Variants in ADAM12 observed in about 807,000 individuals in gnomAD.
ADAM12 encodes ADAM metallopeptidase domain 12, also known as disintegrin and metalloproteinase domain-containing protein 12.
ADAM12 carries 70 observed loss-of-function variants against 106.4 expected under a neutral mutation model. The ratio of observed to expected loss-of-function variants is 0.66; its 90% CI spans 0.54 to 0.80. The LOEUF (loss-of-function observed/expected upper bound fraction) is 0.80. Ranked by LOEUF, ADAM12 falls within the 30% of genes least tolerant of loss-of-function variation. The probability of loss-of-function intolerance (pLI) is 0.00; values close to 1 mark genes in which losing one functional copy is unlikely to be tolerated. For missense variants in ADAM12, 1,010 were observed against 1,171.9 expected (o/e 0.86, Z 2.02); for synonymous variants, 420 against 433.5 (o/e 0.97, Z 0.39).
At chr10:126,070,582 C>T (rs1440374291) in intron 12 of ADAM12, 1 of 152,200 alleles carries the variant, frequency 6.6e-6, no homozygotes, top group Non-Finnish European at 1.5e-5. Context: ...TTCAGAGCAG[C>T]CCTTGGAGAT....
At chr10:126,243,622 A>G (rs1958574398) in intron 3 of ADAM12, among the ~76,000 whole-genome samples, 1 of 152,118 alleles carries the variant, frequency 6.6e-6, no homozygotes, top group Non-Finnish European at 1.5e-5. Context: ...GGGTGAATAC[A>G]TTTTTATTGA....
chr10:126,293,584 C>T (rs973710490), intron 2 of ADAM12, among the ~76,000 whole-genome samples: 16 of 152,082 alleles, frequency 1.1e-4, no homozygotes, highest in Admixed American at 3.3e-4. Context: ...AGTGGTGTGA[C>T]CTTGGCTCAC....
intron 1 of ADAM12, among the ~76,000 whole-genome samples, chr10:126,351,960 C>T (rs1292389283): frequency 3.3e-5 from 5 of 152,116 alleles, no homozygotes; most frequent in Non-Finnish European, 5.9e-5. Context: ...CTGCTTTAGA[C>T]AAAGACTCAC....
At chr10:126,173,832 C>T (rs1215440187) in intron 3 of ADAM12, among the ~76,000 whole-genome samples, 1 of 151,892 alleles carries the variant, frequency 6.6e-6, no homozygotes, top group African/African-American at 2.4e-5. Context: ...CAGAAACCAC[C>T]TCAGGCCAAG....
chr10:126,108,236 C>T lies in ADAM12; in HGVS notation c.741+357G>A, dbSNP rs148873390. 2.2e-4 allele frequency among the ~76,000 whole-genome samples: 34 copies of T among 152,264 alleles called. No homozygotes were observed. The East Asian group carries it at 4.8e-3, about 22-fold the overall frequency. ...TGAAGGGGCCTGTGGGATCCGTCAT[C>T]GGGAGACCTGGGAGAGGCCCGGCTC... On this transcript the variant is annotated intron_variant, in intron 8 of 22. Transcript: ENST00000448723.
intron 11 of ADAM12, among the ~76,000 whole-genome samples, chr10:126,075,756 C>T (rs1955088705): frequency 6.6e-6 from 1 of 152,114 alleles, no homozygotes; most frequent in South Asian, 2.1e-4. Flanking sequence ...AAACAGTCTG[C>T]TCTTCCTGCA....
chr10:126,170,265 A>G (rs1466355), intron 3 of ADAM12, among the ~76,000 whole-genome samples: 4,258 of 152,180 alleles, frequency 0.028, 223 homozygotes, highest in African/African-American at 0.098. Flanking sequence ...GCAAATTTCC[A>G]TACCATCGTG....
intron 1 of ADAM12, among the ~76,000 whole-genome samples, chr10:126,351,500 C>T (rs1301314257): frequency 6.6e-6 from 1 of 152,190 alleles, no homozygotes; most frequent in Non-Finnish European, 1.5e-5. Context: ...CCATGCATGG[C>T]ATGTGCTTAC....
intron 3 of ADAM12, among the ~76,000 whole-genome samples, chr10:126,250,858 T>A (rs1958732387): frequency 6.6e-6 from 1 of 152,258 alleles, no homozygotes; most frequent in Non-Finnish European, 1.5e-5. Context: ...CACTCATTTA[T>A]GTGTATGCAT....
Position 126,094,083 on chromosome 10 carries a change from C to T in ADAM12, c.1047G>A (p.Leu349=), listed in dbSNP as rs1368205153. Residue 349 remains leucine (L), a synonymous_variant, in exon 11 of 23, where the codon CTG becomes CTA. Transcript: ENST00000448723. ...LGAAVTLAHE[L]GHNFGMNHDT... ...CATGATTCATCCCGAAATTGTGGCC[C>T]AGCTCATGTGCCAGGGTCACGGCTG... 1.9e-6 allele frequency: 3 copies of T among 1,614,168 alleles called. No individual in the cohort carries two copies. The East Asian group carries it at 6.7e-5, about 36-fold the overall frequency.
chr10:126,043,361 A>T lies in ADAM12; in HGVS notation c.1996-213T>A, dbSNP rs989476182. ...TGTGAAGATGCATCATCTGCCTATT[A>T]GTGGCTGTAAAGAGAGTGATGAAGA... On this transcript the variant is annotated intron_variant, in intron 17 of 22. Transcript: ENST00000448723. This position sits in a 1 kb window ranked among gnomAD's most constrained non-coding sequence, Gnocchi z 4.1. 2.0e-5 allele frequency among the ~76,000 whole-genome samples: 3 copies of T among 152,272 alleles called. No homozygotes were observed. The highest frequency in any genetic ancestry group is 7.2e-5 in the African/African-American group (3 of 41,570).
intron 1 of ADAM12, among the ~76,000 whole-genome samples, chr10:126,369,628 A>G (rs1256258797): frequency 6.6e-6 from 1 of 152,080 alleles, no homozygotes; most frequent in Non-Finnish European, 1.5e-5. Flanking sequence ...AAAATGCAGA[A>G]ACAGAGCCAC....
intron 11 of ADAM12, among the ~76,000 whole-genome samples, chr10:126,090,284 C>G (rs939081004): frequency 6.9e-6 from 1 of 145,860 alleles, no homozygotes; most frequent in African/African-American, 2.6e-5. Flanking sequence ...CCCTATTCCT[C>G]CAACTCTCAT....
At chr10:126,122,042 A>T (rs1357987757) in intron 5 of ADAM12, among the ~76,000 whole-genome samples, 1 of 152,202 alleles carries the variant, frequency 6.6e-6, no homozygotes, top group Non-Finnish European at 1.5e-5. Context: ...TATCCGGGAC[A>T]ATTAGAAATC....
chr10:126,238,436 G>A (rs961715298), intron 3 of ADAM12, among the ~76,000 whole-genome samples: 1 of 152,114 alleles, frequency 6.6e-6, no homozygotes, highest in Admixed American at 6.5e-5. Flanking sequence ...CCGAGATTGT[G>A]CCATTGTACT....
In ADAM12 at chr10:126,188,053, T is replaced by G. The variant is rs554138288; in HGVS notation, c.261-32748A>C. ...AGGAGAGGCCACTGGAAAGCCAGGC[T>G]GTGAAGGGGCAATGACAGCCCAGTC... On this transcript the variant is annotated intron_variant, in intron 3 of 22. Coordinates refer to ENST00000448723, the MANE Select transcript of ADAM12 (RefSeq NM_001288973.2). Among the ~76,000 whole-genome samples the G allele has an allele frequency of 2.8e-4, 43 of 152,306 alleles. No individual in the cohort carries two copies. The South Asian group carries it at 8.7e-3, about 31-fold the overall frequency.
intron 13 of ADAM12, among the ~76,000 whole-genome samples, chr10:126,065,675 A>T (rs1954852621): frequency 6.6e-6 from 1 of 152,322 alleles, no homozygotes; most frequent in South Asian, 2.1e-4. Context: ...AGTTCCCTGC[A>T]TACTCCTCAA....
chr10:126,122,212 C>T (rs1956128163), intron 5 of ADAM12, among the ~76,000 whole-genome samples: 1 of 152,138 alleles, frequency 6.6e-6, no homozygotes, highest in Admixed American at 6.5e-5. Context: ...CTCATGTCTC[C>T]TTCTAAGTCA....
At chr10:126,182,923 C>T (rs1026150019) in intron 3 of ADAM12, among the ~76,000 whole-genome samples, 1 of 152,234 alleles carries the variant, frequency 6.6e-6, no homozygotes, top group African/African-American at 2.4e-5. Flanking sequence ...TGTCCGTGGC[C>T]TGTTAGGAAC....
Sources: gnomAD v4.1 joint callset for allele counts (sites outside exome capture counted in the v4.1 genomes callset) on GRCh38, gnomAD v4.1.1 for gene constraint, Gnocchi (gnomAD v3.1) non-coding constraint, MANE v1.5 for transcripts, NCBI Gene and HGNC (gene_info 2026-07-23, HGNC 2026-07-21) for gene names.